The following ZNF365 variants were observed in gnomAD, a reference collection of about 807,000 sequenced individuals.
ZNF365 encodes the protein protein ZNF365.
In ZNF365, 22 loss-of-function variants were observed where a neutral mutation model predicts 35.0. The observed-to-expected ratio is 0.63, with a 90% CI of 0.45 to 0.90. The LOEUF (loss-of-function observed/expected upper bound fraction) is 0.90, where lower values mean the gene tolerates loss of function less well. ZNF365 is among the 40% of genes least tolerant of loss of function. The pLI is 0.00. For synonymous variants in ZNF365, 188 were observed against 196.2 expected, an observed-to-expected ratio of 0.96 and a Z score of 0.35; for missense variants, 448 against 500.3, an observed-to-expected ratio of 0.90 and a Z score of 1.00.
intron 4 of ZNF365, 148 bp downstream of exon 4, chr10:62,398,925 T>A: frequency 1.4e-6 from 1 of 736,184 alleles, no homozygotes; most frequent in East Asian, 2.8e-5. Flanking sequence ...GACCTGCATG[T>A]GTATCTAACT....
chr10:62,479,674 A>G (rs1841189790), intron 4 of ZNF365, among the ~76,000 whole-genome samples: 1 of 152,188 alleles, frequency 6.6e-6, no homozygotes, highest in African/African-American at 2.4e-5. Context: ...TCAATTACAG[A>G]CATTGCTGGA....
At position 62,401,514 on chromosome 10, in the gene ZNF365, A is replaced by G. The variant is rs919195637; in HGVS notation, c.*1725A>G. On this transcript the variant is annotated 3_prime_UTR_variant, in exon 5 of 5. Coordinates refer to ENST00000395254, the MANE Select transcript of ZNF365 (RefSeq NM_014951.3). ...GGGGGGTAGATCATTCATGTGATAT[A>G]TAAGCAGCTATCAAGTGGGCAAAAA... The G allele has an allele frequency of 2.0e-6, 2 of 985,416 alleles. No homozygotes were observed. Among genetic ancestry groups the G allele is most frequent in the African/African-American group, 1.7e-5 (1 of 57,218 alleles). The allele number at this position is 985,416 out of a possible 1,614,324, so 61.0% of individuals were successfully genotyped here.
chr10:62,475,866 C>A (rs1023174935), intron 4 of ZNF365, among the ~76,000 whole-genome samples: 1 of 152,074 alleles, frequency 6.6e-6, no homozygotes, highest in Non-Finnish European at 1.5e-5. Context: ...AGTGTGGGGG[C>A]TGGATTGGAA....
chr10:62,458,467 AACACACAC>A (rs3999114), intron 3 of ZNF365, among the ~76,000 whole-genome samples: 45 of 148,398 alleles, frequency 3.0e-4, no homozygotes, highest in African/African-American at 9.2e-4. Flanking sequence ...CACCATCTTG[AACACACAC>A]ACACACACAC....
intron 4 of ZNF365, among the ~76,000 whole-genome samples, chr10:62,462,779 A>T (rs1589467670): frequency 6.6e-6 from 1 of 152,220 alleles, no homozygotes; most frequent in African/African-American, 2.4e-5. Flanking sequence ...GATGTAAGGA[A>T]ATCTAAAAAT....
chr10:62,418,095 A>C (rs1442157318), intron 3 of ZNF365, among the ~76,000 whole-genome samples: 4 of 152,118 alleles, frequency 2.6e-5, no homozygotes, highest in East Asian at 3.9e-4. Context: ...AAATGCACAA[A>C]CAACTAAAGG....
intron 1 of ZNF365, among the ~76,000 whole-genome samples, chr10:62,375,353 C>CT (rs1839303433): frequency 6.6e-6 from 1 of 152,146 alleles, no homozygotes; most frequent in African/African-American, 2.4e-5. Flanking sequence ...CCAGAACACT[C>CT]TATTATAATA....
intron 3 of ZNF365, among the ~76,000 whole-genome samples, chr10:62,426,469 A>G (rs1840251254): frequency 6.6e-6 from 1 of 152,032 alleles, no homozygotes; most frequent in Non-Finnish European, 1.5e-5. Context: ...GTTCCTTTGT[A>G]GTTGTTCTGT....
At chr10:62,416,900 A>G (rs1211371391) in intron 3 of ZNF365, among the ~76,000 whole-genome samples, 1 of 151,910 alleles carries the variant, frequency 6.6e-6, no homozygotes, top group Non-Finnish European at 1.5e-5. Flanking sequence ...GGGATGCTTA[A>G]CCTGTATTAC....
chr10:62,400,962 T>C lies in ZNF365; in HGVS notation c.*1173T>C, dbSNP rs1839818513. 24 of 985,414 alleles carry C rather than the reference T, an allele frequency of 2.4e-5. No individual in the cohort carries two copies. The South Asian group carries it at 5.6e-4, about 23-fold the overall frequency. 61.0% of individuals were successfully genotyped at this position (985,414 alleles called of 1,614,324 possible). A position where few individuals can be genotyped will look rare whatever the true frequency, so the allele number is the denominator to read the frequency against. Reference sequence around the variant, plus strand: ...CCCTCCTTCCCTCCCTAAAATGGCTTTAGTTTCCACAAAGAGCTGTTAAGA... The same window carrying C: ...CCCTCCTTCCCTCCCTAAAATGGCTCTAGTTTCCACAAAGAGCTGTTAAGA... On this transcript the variant is annotated 3_prime_UTR_variant, in exon 5 of 5. Transcript: ENST00000395254.
chr10:62,376,212 G>C lies in ZNF365; in HGVS notation c.19G>C (p.Glu7Gln). The C allele has an allele frequency of 6.2e-7, 1 of 1,614,072 alleles. No individual in the cohort carries two copies. Among genetic ancestry groups the C allele is most frequent in the Non-Finnish European group, 8.5e-7 (1 of 1,180,014 alleles). Residue 7 changes from glutamate to glutamine, a missense_variant, in exon 2 of 5, where the codon GAG becomes CAG. By Grantham distance (29) the Glu-to-Gln change is conservative. Coordinates refer to ENST00000395254, the MANE Select transcript of ZNF365 (RefSeq NM_014951.3). Reference sequence around the variant, plus strand: ...TAGAGTAATGCAACAGAAGGCTTTTGAGGAAAGCAGATATCCCTGGCAGGA... The same window carrying C: ...TAGAGTAATGCAACAGAAGGCTTTTCAGGAAAGCAGATATCCCTGGCAGGA... MQQKAFEESRYPWQESF... is the reference protein window; with the variant it reads MQQKAFQESRYPWQESF...
At chr10:62,453,751 A>G (rs1484817974) in intron 3 of ZNF365, among the ~76,000 whole-genome samples, 1 of 152,232 alleles carries the variant, frequency 6.6e-6, no homozygotes, top group East Asian at 1.9e-4. Flanking sequence ...TTTTTTCTCC[A>G]AGGAAATAAA....
intron 3 of ZNF365, among the ~76,000 whole-genome samples, chr10:62,425,288 G>C (rs1840234484): frequency 6.6e-6 from 1 of 152,070 alleles, no homozygotes; most frequent in Non-Finnish European, 1.5e-5. Flanking sequence ...TACCTAAAAT[G>C]TAATACTTCT....
At position 62,401,935 on chromosome 10, in the gene ZNF365, C is replaced by T; in HGVS notation, c.*2146C>T. 1 of 985,362 alleles carries T rather than the reference C, an allele frequency of 1.0e-6. No homozygotes were observed. Among genetic ancestry groups the T allele is most frequent in the Non-Finnish European group, 1.2e-6 (1 of 829,848 alleles). The allele number at this position is 985,362 out of a possible 1,614,324, so 61.0% of individuals were successfully genotyped here. A position where few individuals can be genotyped will look rare whatever the true frequency, so the allele number is the denominator to read the frequency against. On this transcript the variant is annotated 3_prime_UTR_variant, in exon 5 of 5. Transcript: ENST00000395254. The stretch of plus-strand genomic sequence containing the variant: ...ATATTAAAATGTTTTTTTACGTTCC[C>T]ACTAAATTTTGACCCCATATAAAGA...
chr10:62,392,507 A>G (rs1049273971), intron 3 of ZNF365, among the ~76,000 whole-genome samples: 1 of 151,852 alleles, frequency 6.6e-6, no homozygotes, highest in African/African-American at 2.4e-5. Flanking sequence ...GCCTTTCCCC[A>G]CTTTATGTTT....
intron 3 of ZNF365, among the ~76,000 whole-genome samples, chr10:62,453,007 A>G (rs1239260067): frequency 2.0e-5 from 3 of 152,228 alleles, no homozygotes; most frequent in Non-Finnish European, 4.4e-5. Flanking sequence ...TTTAAATAAT[A>G]AAAATATTCA....
chr10:62,416,760 A>G (rs1463919645), intron 3 of ZNF365, among the ~76,000 whole-genome samples: 1 of 152,042 alleles, frequency 6.6e-6, no homozygotes, highest in African/African-American at 2.4e-5. Context: ...CCTTATACTT[A>G]CTAGTTGGGC....
intron 3 of ZNF365, among the ~76,000 whole-genome samples, chr10:62,440,157 T>A (rs1840472541): frequency 6.6e-6 from 1 of 152,036 alleles, no homozygotes; most frequent in Non-Finnish European, 1.5e-5. Context: ...AATTATAAGC[T>A]TTATGAATGC....
intron 3 of ZNF365, among the ~76,000 whole-genome samples, chr10:62,391,874 A>G (rs985882406): frequency 2.0e-5 from 3 of 152,208 alleles, no homozygotes; most frequent in Non-Finnish European, 4.4e-5. Context: ...CAGCTGTATG[A>G]AAGTGTTCGT....
Sources: gnomAD v4.1 joint callset for allele counts (sites outside exome capture counted in the v4.1 genomes callset) on GRCh38, gnomAD v4.1.1 for gene constraint, MANE v1.5 for transcripts, NCBI Gene and HGNC (gene_info 2026-07-23, HGNC 2026-07-21) for gene names.